Variants in EDIL3 observed in about 807,000 individuals in gnomAD.
EDIL3 encodes EGF-like repeat and discoidin I-like domain-containing protein 3.
Under a neutral mutation model 67.4 loss-of-function variants are expected in EDIL3, and 37 were observed. The observed-to-expected ratio is 0.55, with a 90% CI of 0.42 to 0.72. The LOEUF (loss-of-function observed/expected upper bound fraction) is 0.72, where lower values mean the gene tolerates loss of function less well. Ranked by LOEUF, EDIL3 falls within the 30% of genes least tolerant of loss-of-function variation. EDIL3 has a pLI of 0.00. For missense variants in EDIL3, 527 were observed against 586.3 expected, an observed-to-expected ratio of 0.90 and a Z score of 1.04; for synonymous variants, 195 against 196.3, an observed-to-expected ratio of 0.99 and a Z score of 0.05.
chr5:84,107,362 G>C (rs960973069), intron 5 of EDIL3, among the ~76,000 whole-genome samples: 4 of 151,614 alleles, frequency 2.6e-5, no homozygotes, highest in Non-Finnish European at 4.4e-5. Flanking sequence ...AAAGGGAAAT[G>C]GGTAAATCTG....
chr5:84,303,494 C>A (rs370175143), intron 1 of EDIL3, among the ~76,000 whole-genome samples: 1 of 152,134 alleles, frequency 6.6e-6, no homozygotes, highest in South Asian at 2.1e-4. Context: ...AATCTGCCAA[C>A]AAGTTGAATT....
intron 6 of EDIL3, among the ~76,000 whole-genome samples, chr5:84,098,549 TATATATA>T (rs1747306987): frequency 8.8e-6 from 1 of 113,294 alleles, no homozygotes; most frequent in African/African-American, 3.2e-5. Flanking sequence ...ATTAACAAAA[TATATATA>T]TTTGAACATA....
intron 10 of EDIL3, among the ~76,000 whole-genome samples, chr5:83,952,447 T>C (rs1219949686): frequency 4.6e-5 from 7 of 151,834 alleles, no homozygotes; most frequent in Admixed American, 2.6e-4. Context: ...TGCCTTCCAC[T>C]ACTCAGATTT....
intron 4 of EDIL3, among the ~76,000 whole-genome samples, chr5:84,164,759 A>ATCTAT (rs1292569917): frequency 1.1e-4 from 16 of 152,270 alleles, no homozygotes; most frequent in African/African-American, 3.8e-4. Flanking sequence ...TGACTCAGGC[A>ATCTAT]GAAATTATCT....
rs575232910 is a variant in EDIL3, at chr5:84,041,660, GTATATACT to G, written c.1137+18632_1137+18639del. ...CATATACTTACATATATACTTATATGTATATACTTATATACTTATATTTGTGTATATCT... is the reference window on the plus strand; with the variant it reads ...CATATACTTACATATATACTTATATGTATATACTTATATTTGTGTATATCT... On this transcript the variant is annotated intron_variant, in intron 9 of 10. Coordinates refer to ENST00000296591, the MANE Select transcript of EDIL3 (RefSeq NM_005711.5). 1.2e-4 allele frequency among the ~76,000 whole-genome samples: 18 copies of G among 145,606 alleles called. No homozygotes were observed. The South Asian group carries it at 2.6e-3, about 21-fold the overall frequency.
intron 6 of EDIL3, among the ~76,000 whole-genome samples, chr5:84,085,316 T>C (rs1280901268): frequency 6.6e-6 from 1 of 152,236 alleles, no homozygotes; most frequent in East Asian, 1.9e-4. Flanking sequence ...TTCATGGAGT[T>C]ATCTACCTTT....
intron 8 of EDIL3, 145 bp downstream of exon 8, chr5:84,064,555 G>A: frequency 1.0e-6 from 1 of 990,212 alleles, no homozygotes; most frequent in South Asian, 2.0e-5. Context: ...ACACACACTG[G>A]TTTTCCCTGA....
At chr5:84,097,906 C>T in intron 6 of EDIL3, among the ~76,000 whole-genome samples, 1 of 151,494 alleles carries the variant, frequency 6.6e-6, no homozygotes, top group East Asian at 1.9e-4. Flanking sequence ...AGCAAAGCAC[C>T]CAGAATTTAA....
chr5:83,968,351 T>C (rs1744732453), intron 9 of EDIL3, among the ~76,000 whole-genome samples: 2 of 152,066 alleles, frequency 1.3e-5, no homozygotes, highest in South Asian at 2.1e-4. Flanking sequence ...CATTTTCCCC[T>C]TTACTAAAAA....
intron 9 of EDIL3, among the ~76,000 whole-genome samples, chr5:84,054,344 C>G (rs1290455509): frequency 6.6e-6 from 1 of 152,132 alleles, no homozygotes; most frequent in African/African-American, 2.4e-5. Flanking sequence ...AAACTCACAG[C>G]CAATATCATA....
chr5:84,175,408 T>C (rs552679342), intron 4 of EDIL3, among the ~76,000 whole-genome samples: 2 of 152,216 alleles, frequency 1.3e-5, no homozygotes, highest in East Asian at 3.9e-4. Context: ...CCCATAGCAA[T>C]CCCCATTATA....
intron 1 of EDIL3, among the ~76,000 whole-genome samples, chr5:84,304,695 C>T (rs1169979931): frequency 1.3e-5 from 2 of 152,124 alleles, no homozygotes; most frequent in African/African-American, 4.8e-5. Context: ...TGGGATAAGC[C>T]TAATCAAAAT....
At chr5:84,167,583 A>G (rs531416923) in intron 4 of EDIL3, among the ~76,000 whole-genome samples, 1 of 152,322 alleles carries the variant, frequency 6.6e-6, no homozygotes, top group East Asian at 1.9e-4. Flanking sequence ...TGAAAGAATA[A>G]GTATTCTGAA....
At chr5:84,130,448 T>C (rs1401973473) in intron 5 of EDIL3, among the ~76,000 whole-genome samples, 1 of 152,200 alleles carries the variant, frequency 6.6e-6, no homozygotes, top group Non-Finnish European at 1.5e-5. Context: ...GATCATATAA[T>C]TGAATACATT....
At chr5:84,295,513 A>G (rs2607359) in intron 1 of EDIL3, among the ~76,000 whole-genome samples, 40,505 of 151,950 alleles carry the variant, frequency 0.27, 6,184 homozygotes, top group Non-Finnish European at 0.35. Flanking sequence ...ATATTCAACA[A>G]GAATTAATTT....
At chr5:84,340,534 CTATATATATATATATATA>C (rs776456328) in intron 1 of EDIL3, among the ~76,000 whole-genome samples, 5 of 54,196 alleles carry the variant, frequency 9.2e-5, no homozygotes, top group Non-Finnish European at 1.1e-4. Context: ...CTCTCTCTCT[CTATATATATATATATATA>C]TATATATATA....
chr5:84,310,851 T>G (rs1746372749), intron 1 of EDIL3, among the ~76,000 whole-genome samples: 1 of 152,128 alleles, frequency 6.6e-6, no homozygotes, highest in Admixed American at 6.6e-5. Context: ...TTTCTCACAC[T>G]CCACAAAGCT....
intron 3 of EDIL3, among the ~76,000 whole-genome samples, chr5:84,204,474 T>C (rs1743915488): frequency 6.6e-6 from 1 of 152,232 alleles, no homozygotes; most frequent in Non-Finnish European, 1.5e-5. Context: ...ATGTCATTGA[T>C]ATCCAACCTG....
intron 3 of EDIL3, among the ~76,000 whole-genome samples, chr5:84,203,369 TA>T (rs542827671): frequency 0.025 from 3,796 of 152,216 alleles, 80 homozygotes; most frequent in Middle Eastern, 0.058. Context: ...TTTCTTCAGA[TA>T]AAAAAAGTCT....
Sources: gnomAD v4.1 joint callset for allele counts (sites outside exome capture counted in the v4.1 genomes callset) on GRCh38, gnomAD v4.1.1 for gene constraint, MANE v1.5 for transcripts, NCBI Gene and HGNC (gene_info 2026-07-23, HGNC 2026-07-21) for gene names.